The following EGFR variants were observed in gnomAD, a reference collection of about 807,000 sequenced individuals.
EGFR encodes epidermal growth factor receptor, also known as avian erythroblastic leukemia viral (v-erb-b) oncogene homolog.
Under a neutral mutation model 143.0 loss-of-function variants are expected in EGFR, and 58 were observed. The ratio of observed to expected loss-of-function variants is 0.41; its 90% CI spans 0.33 to 0.50. EGFR has a LOEUF of 0.50. Ranked by LOEUF, EGFR falls within the 20% of genes least tolerant of loss-of-function variation. EGFR has a pLI of 0.39. For synonymous variants in EGFR, 613 were observed against 594.4 expected, an observed-to-expected ratio of 1.03 and a Z score of -0.45; for missense variants, 1,307 against 1,579.0, an observed-to-expected ratio of 0.83 and a Z score of 2.92.
At chr7:55,203,294 CAT>C (rs1162565861) in intron 27 of EGFR, among the ~76,000 whole-genome samples, 1 of 150,630 alleles carries the variant, frequency 6.6e-6, no homozygotes, top group East Asian at 2.0e-4. Flanking sequence ...ACCCCACACA[CAT>C]ACACATATAC....
rs145507757 is a variant in EGFR at position 55,155,975 on chromosome 7, G to A, written c.1006+29G>A. On this transcript the variant is annotated intron_variant, in intron 8 of 27. Coordinates refer to ENST00000275493, the MANE Select transcript of EGFR (RefSeq NM_005228.5). ...GGAAGCCCGCCGGTGTGCGGACGAG[G>A]CTTGTTCTCGGCTGCTGAGGCTGGG... is the stretch of plus-strand genomic sequence containing the variant. 54 of 1,552,038 alleles carry A rather than the reference G, an allele frequency of 3.5e-5. No homozygotes were observed. The East Asian group carries it at 1.2e-3, about 35-fold the overall frequency.
rs187423617 is a variant in EGFR, at chr7:55,111,696, C to T, written c.89-30590C>T. Among the ~76,000 whole-genome samples, 116 of 152,258 alleles carry T rather than the reference C, an allele frequency of 7.6e-4. 1 individual carries two copies. Among genetic ancestry groups the T allele is most frequent in the Middle Eastern group, 3.4e-3 (1 of 294 alleles). On this transcript the variant is annotated intron_variant, in intron 1 of 27. Transcript: ENST00000275493. ...AGATGGTGCACAGGCGAGCACCCAC[C>T]TGAGGAGTGTTTGGATGTTATGATA...
intron 1 of EGFR, among the ~76,000 whole-genome samples, chr7:55,034,816 C>G (rs1016640279): frequency 1.3e-5 from 2 of 152,188 alleles, no homozygotes; most frequent in Non-Finnish European, 2.9e-5. Flanking sequence ...AATTGCTTTG[C>G]TGCAAGAAAC....
At chr7:55,161,397 A>G (rs2128942396) in intron 12 of EGFR, 102 bp from the exon 13 acceptor site, 1 of 1,466,372 alleles carries the variant, frequency 6.8e-7, no homozygotes, top group Admixed American at 2.4e-5. Flanking sequence ...GTGTCACCCA[A>G]GGTCATGGAG....
intron 1 of EGFR, among the ~76,000 whole-genome samples, chr7:55,029,310 C>G (rs575380800): frequency 6.6e-6 from 1 of 152,194 alleles, no homozygotes; most frequent in South Asian, 2.1e-4. Context: ...GAAACCTTAT[C>G]CTTATAGATG....
At chr7:55,115,937 A>G (rs1792812675) in intron 1 of EGFR, among the ~76,000 whole-genome samples, 1 of 152,220 alleles carries the variant, frequency 6.6e-6, no homozygotes, top group African/African-American at 2.4e-5. Context: ...GCCCACAGCC[A>G]TGCTTCCCAT....
At position 55,074,072 on chromosome 7, in the gene EGFR, G is replaced by A. The variant is rs536527915; in HGVS notation, c.88+54707G>A. Among the ~76,000 whole-genome samples, 218 of 152,330 alleles carry A rather than the reference G, an allele frequency of 1.4e-3. 1 individual carries two copies. Among genetic ancestry groups the A allele is most frequent in the African/African-American group, 4.5e-3 (187 of 41,576 alleles). ...TGACGTTGTCAGGGGCGGTCTCAAC[G>A]GCTCATTCACCACATCTGCCTCGCG... On this transcript the variant is annotated intron_variant, in intron 1 of 27. Coordinates refer to ENST00000275493, the MANE Select transcript of EGFR (RefSeq NM_005228.5).
intron 1 of EGFR, among the ~76,000 whole-genome samples, chr7:55,096,397 G>A (rs1057440665): frequency 6.6e-6 from 1 of 152,340 alleles, no homozygotes; most frequent in East Asian, 1.9e-4. Context: ...GCGGCCTGTG[G>A]ACTAGACCTC....
intron 1 of EGFR, among the ~76,000 whole-genome samples, chr7:55,102,578 G>A (rs535192114): frequency 3.5e-4 from 54 of 152,242 alleles, no homozygotes; most frequent in Admixed American, 7.2e-4. Flanking sequence ...GCAAAACAAT[G>A]TAACAATTTT....
At chr7:55,182,987 C>T (rs979770835) in intron 20 of EGFR, among the ~76,000 whole-genome samples, 12 of 152,312 alleles carry the variant, frequency 7.9e-5, no homozygotes, top group African/African-American at 2.6e-4. Flanking sequence ...GGTAGCTCAA[C>T]ATAGCACAGC....
chr7:55,054,052 G>A (rs1261578390), intron 1 of EGFR, among the ~76,000 whole-genome samples: 1 of 151,452 alleles, frequency 6.6e-6, no homozygotes, highest in South Asian at 2.1e-4. Context: ...AACAATGGCT[G>A]AGCGTGGTAG....
At chr7:55,052,673 C>A (rs1788557549) in intron 1 of EGFR, among the ~76,000 whole-genome samples, 1 of 152,184 alleles carries the variant, frequency 6.6e-6, no homozygotes, top group Non-Finnish European at 1.5e-5. Flanking sequence ...CCATCACTTG[C>A]ATCAGCATCT....
intron 7 of EGFR, among the ~76,000 whole-genome samples, chr7:55,155,045 G>A (rs1261531742): frequency 6.6e-6 from 1 of 152,206 alleles, no homozygotes; most frequent in Non-Finnish European, 1.5e-5. Flanking sequence ...AAATCCATAG[G>A]AAAACACTTC....
At chr7:55,136,501 A>G (rs1407090507) in intron 1 of EGFR, among the ~76,000 whole-genome samples, 1 of 152,212 alleles carries the variant, frequency 6.6e-6, no homozygotes, top group Non-Finnish European at 1.5e-5. Context: ...ACAAAAATAT[A>G]AATCCAACAT....
At chr7:55,084,596 C>A (rs1436962009) in intron 1 of EGFR, among the ~76,000 whole-genome samples, 1 of 152,162 alleles carries the variant, frequency 6.6e-6, no homozygotes, top group Non-Finnish European at 1.5e-5. Flanking sequence ...TAAAGCTGGA[C>A]AAGCTTCTGT....
intron 23 of EGFR, 57 bp downstream of exon 23, chr7:55,198,920 AG>A: frequency 6.2e-7 from 1 of 1,608,710 alleles, no homozygotes; most frequent in East Asian, 2.2e-5. Context: ...GGCTGCTCTT[AG>A]CCAAACAGCT....
At chr7:55,031,867 A>C (rs1038846713) in intron 1 of EGFR, among the ~76,000 whole-genome samples, 32 of 152,104 alleles carry the variant, frequency 2.1e-4, no homozygotes, top group African/African-American at 7.2e-4. Flanking sequence ...CATTCCTCTG[A>C]CTTAATATTG....
chr7:55,148,378 G>C (rs1794876507), intron 4 of EGFR, among the ~76,000 whole-genome samples: 1 of 151,970 alleles, frequency 6.6e-6, no homozygotes, highest in African/African-American at 2.4e-5. Context: ...AACAACTGTG[G>C]GAAAGACCCA....
chr7:55,190,006 A>G (rs1159281010), intron 20 of EGFR, among the ~76,000 whole-genome samples: 1 of 152,164 alleles, frequency 6.6e-6, no homozygotes, highest in African/African-American at 2.4e-5. Context: ...TCAGCATCGC[A>G]GGAGTCAAAC....
Sources: allele counts gnomAD v4.1 joint callset (sites outside exome capture counted in the v4.1 genomes callset), GRCh38; gene constraint gnomAD v4.1.1; transcripts MANE v1.5; gene names NCBI Gene and HGNC (gene_info 2026-07-23, HGNC 2026-07-21).